DENND4A: variants seen among roughly 807,000 people sequenced by gnomAD.
DENND4A encodes the protein C-myc promoter-binding protein.
DENND4A carries 70 observed loss-of-function variants against 199.3 expected under a neutral mutation model. That is an observed-to-expected ratio of 0.35 (90% CI 0.29 to 0.43). The LOEUF (loss-of-function observed/expected upper bound fraction) is 0.43, where lower values mean the gene tolerates loss of function less well. Among genes scored for constraint, DENND4A ranks in the 20% least tolerant of loss-of-function variants. DENND4A has a pLI of 1.00. For missense variants in DENND4A, 1,723 were observed against 2,255.8 expected (o/e 0.76, Z 4.78); for synonymous variants, 686 against 766.9 (o/e 0.89, Z 1.74).
chr15:65,728,973 T>C, intron 11 of DENND4A, 99 bp downstream of exon 11: 1 of 1,202,262 alleles, frequency 8.3e-7, no homozygotes, highest in Non-Finnish European at 1.2e-6. Context: ...AAACAATATA[T>C]CTTAAAAGAA....
At chr15:65,718,760 C>CTTTTTT (rs1038227560) in intron 12 of DENND4A, among the ~76,000 whole-genome samples, 26 of 67,772 alleles carry the variant, frequency 3.8e-4, no homozygotes, top group East Asian at 1.4e-3. Context: ...GTTTTTTTTC[C>CTTTTTT]TTTTTTTTTT....
chr15:65,785,238 G>A (rs868284766), intron 1 of DENND4A, among the ~76,000 whole-genome samples: 1 of 151,280 alleles, frequency 6.6e-6, no homozygotes, highest in Admixed American at 6.6e-5. Context: ...GGTGGCTCAC[G>A]ATTATAATTC....
chr15:65,749,531 G>C (rs2076504293), intron 4 of DENND4A, among the ~76,000 whole-genome samples: 1 of 151,842 alleles, frequency 6.6e-6, no homozygotes, highest in Admixed American at 6.6e-5. Context: ...AGAATCTAAA[G>C]GTCTTTACAA....
Position 65,665,434 on chromosome 15 carries a change from C to T in DENND4A, c.5270G>A (p.Ser1757Asn). The T allele has an allele frequency of 1.2e-6, 2 of 1,613,072 alleles. No individual in the cohort carries two copies. Among genetic ancestry groups the T allele is most frequent in the Non-Finnish European group, 1.7e-6 (2 of 1,179,344 alleles). Residue 1757 changes from serine (S) to asparagine (N), a missense_variant, in exon 30 of 33, where the codon AGC (serine) becomes AAC (asparagine). Physicochemically the swap from Ser to Asn is conservative, Grantham distance 46. Coordinates refer to ENST00000443035, the MANE Select transcript of DENND4A (RefSeq NM_001320835.1). ...KIPRHCMSEDSKYVLIQMLWD... is the reference protein window; with the variant it reads ...KIPRHCMSEDNKYVLIQMLWD... ...TAACATTTGTATTAAAACATATTTGCTATCTTCAGACATACAGTGGCGGGG... is the reference window on the plus strand; with the variant it reads ...TAACATTTGTATTAAAACATATTTGTTATCTTCAGACATACAGTGGCGGGG...
intron 1 of DENND4A, among the ~76,000 whole-genome samples, chr15:65,762,037 C>T (rs982304653): frequency 2.6e-5 from 4 of 152,090 alleles, no homozygotes; most frequent in South Asian, 2.1e-4. Flanking sequence ...ACAAGAGTTT[C>T]GCTCTTGTTG....
intron 22 of DENND4A, among the ~76,000 whole-genome samples, chr15:65,695,341 C>CAA (rs2077108822): frequency 1.3e-5 from 2 of 152,132 alleles, no homozygotes; most frequent in Non-Finnish European, 2.9e-5. Flanking sequence ...GTCTGTGTTC[C>CAA]CAGAACTTTA....
chr15:65,680,649 T>C (rs1293265066), intron 23 of DENND4A: 1 of 152,122 alleles, frequency 6.6e-6, no homozygotes, highest in Non-Finnish European at 1.5e-5. Context: ...ATAGCAACAA[T>C]AACCATTTAT....
chr15:65,758,687 T>C (rs2076776615), intron 2 of DENND4A, among the ~76,000 whole-genome samples: 1 of 152,162 alleles, frequency 6.6e-6, no homozygotes, highest in Non-Finnish European at 1.5e-5. Context: ...AGGAAAAAAG[T>C]TTAATCTAAA....
At chr15:65,668,212 T>C (rs924150631) in intron 27 of DENND4A, 89 bp from the exon 28 acceptor site, 205 of 496,282 alleles carry the variant, frequency 4.1e-4, no homozygotes, top group African/African-American at 1.2e-3. Flanking sequence ...CTCTCTCTCT[T>C]TTTTTTTTTT....
chr15:65,697,380 C>T lies in DENND4A; in HGVS notation c.2837G>A (p.Gly946Asp). 2.5e-6 allele frequency: 4 copies of T among 1,587,026 alleles called. No individual in the cohort carries two copies. The highest frequency in any genetic ancestry group is 3.4e-6 in the Non-Finnish European group (4 of 1,165,100). The change falls in exon 21 of 33, where the codon GGC becomes GAC. Residue 946 changes from glycine (G) to aspartate (D), a missense_variant. By Grantham distance (94) the Gly-to-Asp change is moderately conservative. Transcript: ENST00000443035. ...TGAATTATATCCAAGATCAGACTGG[C>T]CACCTGGTAAAAACAAAAATAAACA... Reference protein sequence around the residue: ...YATDDRSSTGGQSDLGYNSLS... With the variant: ...YATDDRSSTGDQSDLGYNSLS...
intron 1 of DENND4A, among the ~76,000 whole-genome samples, chr15:65,783,725 G>C (rs998733320): frequency 6.6e-6 from 1 of 151,966 alleles, no homozygotes; most frequent in Non-Finnish European, 1.5e-5. Flanking sequence ...AGAAAAATTT[G>C]AGCAACAAAA....
At chr15:65,720,459 T>C (rs920340768) in intron 12 of DENND4A, among the ~76,000 whole-genome samples, 2 of 151,170 alleles carry the variant, frequency 1.3e-5, no homozygotes, top group Non-Finnish European at 2.9e-5. Context: ...TCTCCCAGGC[T>C]GGAGTGCAGT....
intron 4 of DENND4A, among the ~76,000 whole-genome samples, chr15:65,744,429 T>C (rs1031145297): frequency 6.6e-6 from 1 of 152,148 alleles, no homozygotes; most frequent in African/African-American, 2.4e-5. Context: ...ATTTGATGTA[T>C]AGGTGATGAG....
At chr15:65,702,274 A>C in intron 17 of DENND4A, 31 bp downstream of exon 17, 1 of 1,530,754 alleles carries the variant, frequency 6.5e-7, no homozygotes, top group South Asian at 1.2e-5. Context: ...ATCTCAAAAA[A>C]ATAAAATAAC....
At chr15:65,665,271 T>C in intron 30 of DENND4A, 74 bp downstream of exon 30, 1 of 1,130,408 alleles carries the variant, frequency 8.8e-7, no homozygotes, top group South Asian at 1.5e-5. Context: ...CAGTTATACA[T>C]TGGTTTATGC....
In DENND4A at chr15:65,784,654, G is replaced by C. The variant is rs1489199991; in HGVS notation, c.-102+7356C>G. The stretch of plus-strand genomic sequence containing the variant: ...TTGGACAAAAACAGAAATACAGGTA[G>C]TATTGTGCAAAATAATCTCAACATT... On this transcript the variant is annotated intron_variant, in intron 1 of 32. Transcript: ENST00000443035. 2.0e-5 allele frequency among the ~76,000 whole-genome samples: 3 copies of C among 152,142 alleles called. No individual in the cohort carries two copies. The East Asian group carries it at 5.8e-4, about 29-fold the overall frequency.
intron 14 of DENND4A, among the ~76,000 whole-genome samples, chr15:65,711,632 C>T (rs2075254155): frequency 6.6e-6 from 1 of 152,186 alleles, no homozygotes; most frequent in African/African-American, 2.4e-5. Flanking sequence ...TCCCCCAAAA[C>T]AATCTACTTT....
At chr15:65,746,369 C>CTTTTTTTTTTTTTTTT (rs573935476) in intron 4 of DENND4A, among the ~76,000 whole-genome samples, 9 of 51,270 alleles carry the variant, frequency 1.8e-4, no homozygotes, top group Admixed American at 3.4e-4. Flanking sequence ...ACTTTTTTCT[C>CTTTTTTTTTTTTTTTT]TTTTTTTTTT....
At chr15:65,749,948 T>C (rs2076516811) in intron 4 of DENND4A, among the ~76,000 whole-genome samples, 1 of 152,106 alleles carries the variant, frequency 6.6e-6, no homozygotes, top group African/African-American at 2.4e-5. Flanking sequence ...CTACAGAAAA[T>C]GCACAGCATT....
Sources: allele counts gnomAD v4.1 joint callset (sites outside exome capture counted in the v4.1 genomes callset), GRCh38; gene constraint gnomAD v4.1.1; transcripts MANE v1.5; gene names NCBI Gene and HGNC (gene_info 2026-07-23, HGNC 2026-07-21).